RWDD1: variants seen among roughly 807,000 people sequenced by gnomAD.
RWDD1 encodes the protein RWD domain containing 1, also known as RWD domain-containing protein 1.
In RWDD1, 17 loss-of-function variants were observed where a neutral mutation model predicts 31.6. That is an observed-to-expected ratio of 0.54 (90% CI 0.37 to 0.81). The LOEUF is 0.81. Among genes scored for constraint, RWDD1 ranks in the 30% least tolerant of loss-of-function variants. RWDD1 has a pLI of 0.00. For missense variants in RWDD1, 204 were observed against 274.5 expected (o/e 0.74, Z 1.82); for synonymous variants, 78 against 94.2 (o/e 0.83, Z 0.99).
At chr6:116,580,045 G>A (rs929100157) in intron 1 of RWDD1, among the ~76,000 whole-genome samples, 1 of 152,030 alleles carries the variant, frequency 6.6e-6, no homozygotes, top group South Asian at 2.1e-4. Flanking sequence ...CATTTTTTCA[G>A]TTGACTTGGT....
At chr6:116,579,117 C>G (rs901188598) in intron 1 of RWDD1, among the ~76,000 whole-genome samples, 2 of 152,214 alleles carry the variant, frequency 1.3e-5, no homozygotes, top group South Asian at 4.1e-4. Flanking sequence ...TTCAAGTGAT[C>G]CGCCCGCCTT....
chr6:116,573,860 G>A (rs1369288372), intron 1 of RWDD1, among the ~76,000 whole-genome samples: 1 of 151,712 alleles, frequency 6.6e-6, no homozygotes, highest in African/African-American at 2.4e-5. Flanking sequence ...GCTTGACAAA[G>A]AAGCATTTGT....
intron 1 of RWDD1, among the ~76,000 whole-genome samples, chr6:116,576,733 T>C (rs905208841): frequency 3.9e-5 from 6 of 152,096 alleles, no homozygotes; most frequent in Non-Finnish European, 8.8e-5. Flanking sequence ...TTAGGAGTAA[T>C]GACAAGTTAA....
At chr6:116,584,060 G>T (rs1774994696) in intron 2 of RWDD1, among the ~76,000 whole-genome samples, 1 of 152,220 alleles carries the variant, frequency 6.6e-6, no homozygotes, top group Admixed American at 6.5e-5. Flanking sequence ...CTGCTTAGTT[G>T]CAGACTGCCT....
At position 116,590,368 on chromosome 6, in the gene RWDD1, A is replaced by G. The variant is rs1562380344; in HGVS notation, c.511A>G (p.Lys171Glu). 2 of 1,596,584 alleles carry G rather than the reference A, an allele frequency of 1.3e-6. No homozygotes were observed. Among genetic ancestry groups the G allele is most frequent in the South Asian group, 1.2e-5 (1 of 86,696 alleles). The change falls in exon 5 of 7, where the codon AAA becomes GAA. Residue 171 changes from lysine (K) to glutamate (E), a missense_variant. Coordinates refer to ENST00000466444, the MANE Select transcript of RWDD1 (RefSeq NM_015952.4). ...CTTGGAAATTAAAAAGAAAAGGATG[A>G]AAGAAGAAGAACAAGCAGGAAAAAA... is the stretch of plus-strand genomic sequence containing the variant. The part of the protein sequence containing the change: ...ELLEIKKKRM[K>E]EEEQAGKNKL...
rs1281344362 is a variant in RWDD1 at position 116,590,299 on chromosome 6, A to G, written c.442A>G (p.Ile148Val). 1.3e-5 allele frequency: 20 copies of G among 1,592,398 alleles called. No individual in the cohort carries two copies. In the Admixed American group the frequency reaches 3.6e-4, roughly 29 times the overall value. ...KQLFHGTPVTIENFLNWKAKF... is the reference protein window; with the variant it reads ...KQLFHGTPVTVENFLNWKAKF... ...ATTATTCCATGGTACTCCAGTTACAATTGAGAATTTCTTAAATTGGAAAGC... is the reference window on the plus strand; with the variant it reads ...ATTATTCCATGGTACTCCAGTTACAGTTGAGAATTTCTTAAATTGGAAAGC... Residue 148 changes from isoleucine (I) to valine (V), a missense_variant, in exon 5 of 7, where the codon ATT becomes GTT. By Grantham distance (29) the Ile-to-Val change is conservative. Transcript: ENST00000466444.
At chr6:116,584,165 T>C (rs940758376) in intron 2 of RWDD1, among the ~76,000 whole-genome samples, 1 of 152,174 alleles carries the variant, frequency 6.6e-6, no homozygotes, top group Non-Finnish European at 1.5e-5. Flanking sequence ...GTGAGATCCG[T>C]AAATTGACAC....
chr6:116,580,970 C>T (rs3798401), intron 2 of RWDD1, among the ~76,000 whole-genome samples: 27,734 of 151,924 alleles, frequency 0.18, 2,702 homozygotes, highest in East Asian at 0.29. Flanking sequence ...TAAATTGGAA[C>T]TAACAACCCT....
At chr6:116,589,074 T>C (rs963069057) in intron 4 of RWDD1, 89 bp downstream of exon 4, 8 of 1,071,096 alleles carry the variant, frequency 7.5e-6, no homozygotes, top group South Asian at 4.2e-5. Context: ...ATAGCAGTAT[T>C]TTTTTTGGAA....
chr6:116,577,266 C>T (rs1028051796), intron 1 of RWDD1, among the ~76,000 whole-genome samples: 7 of 152,130 alleles, frequency 4.6e-5, no homozygotes, highest in African/African-American at 1.7e-4. Context: ...TCTTCATATG[C>T]TCTTGAAACT....
At chr6:116,575,456 A>G (rs1257617971) in intron 1 of RWDD1, among the ~76,000 whole-genome samples, 1 of 152,150 alleles carries the variant, frequency 6.6e-6, no homozygotes, top group Admixed American at 6.5e-5. Context: ...TCTTTCTTCT[A>G]CTTACCCTAA....
In RWDD1 at chr6:116,588,825, C is replaced by A; in HGVS notation, c.271-17C>A. The A allele has an allele frequency of 1.3e-6, 2 of 1,511,620 alleles. No homozygotes were observed. Among genetic ancestry groups the A allele is most frequent in the Non-Finnish European group, 1.8e-6 (2 of 1,139,874 alleles). The allele number at this position is 1,511,620 out of a possible 1,614,324, so 93.6% of individuals were successfully genotyped here. ...TTTTCTGAGAGTTATTCCTCATCAC[C>A]TTTTTGTGTTACACAGGCTGAAGAA... On this transcript the variant is annotated splice_polypyrimidine_tract_variant and intron_variant, in intron 3 of 6. Coordinates refer to ENST00000466444, the MANE Select transcript of RWDD1 (RefSeq NM_015952.4).
chr6:116,575,969 T>C (rs963728730), intron 1 of RWDD1, among the ~76,000 whole-genome samples: 14 of 152,246 alleles, frequency 9.2e-5, no homozygotes, highest in African/African-American at 3.4e-4. Flanking sequence ...GAGAGCTAGC[T>C]GGAAATGAAA....
chr6:116,588,597 T>G (rs1192920308), intron 3 of RWDD1, among the ~76,000 whole-genome samples: 1 of 152,120 alleles, frequency 6.6e-6, no homozygotes, highest in Non-Finnish European at 1.5e-5. Context: ...GGAAACAGTT[T>G]TCTGAATTTT....
At chr6:116,583,796 C>A (rs1036361432) in intron 2 of RWDD1, among the ~76,000 whole-genome samples, 32 of 152,132 alleles carry the variant, frequency 2.1e-4, no homozygotes, top group Non-Finnish European at 4.4e-4. Context: ...TTCTTACTGA[C>A]CTCTAACACT....
intron 1 of RWDD1, 187 bp from the exon 2 acceptor site, chr6:116,580,108 A>C: frequency 2.7e-6 from 1 of 372,310 alleles, no homozygotes; most frequent in Non-Finnish European, 4.8e-6. Context: ...ATTAAAGACA[A>C]CCCTCCATTT....
chr6:116,575,542 A>G (rs968383777), intron 1 of RWDD1, among the ~76,000 whole-genome samples: 4 of 152,148 alleles, frequency 2.6e-5, no homozygotes, highest in African/African-American at 7.2e-5. Context: ...AATCCAATTA[A>G]GTAACTTTCC....
At chr6:116,586,081 G>T (rs887613272) in intron 3 of RWDD1, among the ~76,000 whole-genome samples, 7 of 152,056 alleles carry the variant, frequency 4.6e-5, no homozygotes, top group African/African-American at 1.7e-4. Context: ...TATTTTGTTT[G>T]TACTCAAACT....
chr6:116,584,654 C>G (rs1386614533), intron 2 of RWDD1, 73 bp from the exon 3 acceptor site: 3 of 1,338,208 alleles, frequency 2.2e-6, no homozygotes, highest in Non-Finnish European at 2.1e-6. Flanking sequence ...GTGCTACTTT[C>G]TACTGATTCA....
Sources: gnomAD v4.1 joint callset for allele counts (sites outside exome capture counted in the v4.1 genomes callset) on GRCh38, gnomAD v4.1.1 for gene constraint, MANE v1.5 for transcripts, NCBI Gene and HGNC (gene_info 2026-07-23, HGNC 2026-07-21) for gene names.